TBC1D1: variants seen among roughly 807,000 people sequenced by gnomAD.
The protein encoded by TBC1D1 is TBC1 (tre-2/USP6, BUB2, cdc16) domain family, member 1.
A neutral mutation model predicts 125.6 loss-of-function variants in TBC1D1; 89 were observed. The observed-to-expected ratio is 0.71, with a 90% CI of 0.60 to 0.85. TBC1D1 has a LOEUF of 0.85. TBC1D1 is among the 40% of genes least tolerant of loss of function. The probability of loss-of-function intolerance (pLI) is 0.00; values close to 1 mark genes in which losing one functional copy is unlikely to be tolerated. For synonymous variants in TBC1D1, 565 were observed against 564.1 expected (o/e 1.00, Z -0.02); for missense variants, 1,377 against 1,469.2 (o/e 0.94, Z 1.03).
chr4:38,089,569 A>T (rs761407207), intron 12 of TBC1D1, among the ~76,000 whole-genome samples: 5 of 152,222 alleles, frequency 3.3e-5, no homozygotes, highest in Admixed American at 6.5e-5. Flanking sequence ...AAATTATTGT[A>T]TATAAAGCTC....
chr4:38,101,256 A>T (rs1212337750), intron 14 of TBC1D1, among the ~76,000 whole-genome samples: 3 of 152,202 alleles, frequency 2.0e-5, no homozygotes, highest in African/African-American at 7.2e-5. Flanking sequence ...CAGGGTACAA[A>T]GCGGCCACTT....
At chr4:37,899,301 C>A (rs927157779) in intron 1 of TBC1D1, among the ~76,000 whole-genome samples, 1 of 151,970 alleles carries the variant, frequency 6.6e-6, no homozygotes, top group Admixed American at 6.6e-5. Context: ...GGAGATGAGA[C>A]CGAGTTAGCT....
At chr4:37,938,885 A>G (rs1271011146) in intron 2 of TBC1D1, among the ~76,000 whole-genome samples, 2 of 152,226 alleles carry the variant, frequency 1.3e-5, no homozygotes, top group African/African-American at 2.4e-5. Flanking sequence ...ATAGTATTCC[A>G]TGGTGTATAT....
intron 15 of TBC1D1, among the ~76,000 whole-genome samples, chr4:38,115,343 C>T (rs545908573): frequency 6.6e-5 from 10 of 152,196 alleles, no homozygotes; most frequent in African/African-American, 2.4e-4. Context: ...CTCAGGCGAT[C>T]CTTCCACCTA....
At chr4:38,114,296 A>G (rs1762615264) in intron 15 of TBC1D1, among the ~76,000 whole-genome samples, 1 of 152,212 alleles carries the variant, frequency 6.6e-6, no homozygotes, top group African/African-American at 2.4e-5. Context: ...CTGGGGGAAG[A>G]GATAGAGGAG....
intron 2 of TBC1D1, among the ~76,000 whole-genome samples, chr4:38,011,571 A>G (rs1741512473): frequency 6.6e-6 from 1 of 152,100 alleles, no homozygotes; most frequent in African/African-American, 2.4e-5. Flanking sequence ...TTTGCCTTCA[A>G]ATGTTCTGAA....
At chr4:37,920,226 G>C (rs956785091) in intron 2 of TBC1D1, among the ~76,000 whole-genome samples, 1 of 152,176 alleles carries the variant, frequency 6.6e-6, no homozygotes, top group Non-Finnish European at 1.5e-5. Flanking sequence ...CTTAGAGTCC[G>C]GTGGGCCCTG....
chr4:38,078,093 T>A (rs16994191), intron 12 of TBC1D1, among the ~76,000 whole-genome samples: 14,986 of 152,164 alleles, frequency 0.098, 819 homozygotes, highest in African/African-American at 0.12. Context: ...GTGGCCACGT[T>A]AATGACATAG....
intron 2 of TBC1D1, among the ~76,000 whole-genome samples, chr4:37,997,941 C>T (rs185773634): frequency 6.6e-6 from 1 of 152,232 alleles, no homozygotes; most frequent in East Asian, 1.9e-4. Context: ...AGAGAAAACC[C>T]ATGTGAGTAA....
chr4:37,976,418 G>T (rs1378641189), intron 2 of TBC1D1, among the ~76,000 whole-genome samples: 1 of 152,156 alleles, frequency 6.6e-6, no homozygotes, highest in Admixed American at 6.5e-5. Context: ...CTCAGTTTTG[G>T]GGTAACTTTT....
chr4:38,110,244 C>T (rs1294447446), intron 15 of TBC1D1: 5 of 985,256 alleles, frequency 5.1e-6, no homozygotes, highest in Non-Finnish European at 6.0e-6. Context: ...CTCACAGCAC[C>T]GTACAGGGAC....
chr4:38,033,709 C>T (rs971976509), intron 7 of TBC1D1, among the ~76,000 whole-genome samples: 1 of 152,126 alleles, frequency 6.6e-6, no homozygotes, highest in Non-Finnish European at 1.5e-5. Context: ...TCTGCCTGTT[C>T]TCCCACCTCC....
intron 2 of TBC1D1, among the ~76,000 whole-genome samples, chr4:37,958,329 C>A (rs1321577232): frequency 6.6e-6 from 1 of 152,202 alleles, no homozygotes; most frequent in Non-Finnish European, 1.5e-5. Flanking sequence ...CAATCAAGAA[C>A]CTTGACCATA....
intron 2 of TBC1D1, among the ~76,000 whole-genome samples, chr4:37,968,902 G>T (rs1731542193): frequency 6.6e-6 from 1 of 152,216 alleles, no homozygotes; most frequent in Non-Finnish European, 1.5e-5. Context: ...GGCAAGTGAT[G>T]CTTGTGTGTA....
At chr4:38,085,466 C>T (rs1331446620) in intron 12 of TBC1D1, among the ~76,000 whole-genome samples, 1 of 152,200 alleles carries the variant, frequency 6.6e-6, no homozygotes, top group Non-Finnish European at 1.5e-5. Context: ...GTGGTCTCTA[C>T]AGTTGGGCAG....
At chr4:38,119,948 C>G (rs965009380) in intron 17 of TBC1D1, 2 of 985,186 alleles carry the variant, frequency 2.0e-6, no homozygotes, top group Non-Finnish European at 2.4e-6. Flanking sequence ...TTCTGGGGCT[C>G]TGGAAGAGAA....
At chr4:38,077,975 G>A (rs1755888841) in intron 12 of TBC1D1, among the ~76,000 whole-genome samples, 1 of 152,144 alleles carries the variant, frequency 6.6e-6, no homozygotes, top group African/African-American at 2.4e-5. Context: ...GAGGAAGCGG[G>A]ATGAAAGCAG....
intron 3 of TBC1D1, among the ~76,000 whole-genome samples, chr4:38,015,657 G>A (rs1222176879): frequency 6.6e-6 from 1 of 152,110 alleles, no homozygotes; most frequent in Non-Finnish European, 1.5e-5. Context: ...GCAGCGAGCC[G>A]GTCTCTGACA....
intron 2 of TBC1D1, among the ~76,000 whole-genome samples, chr4:37,976,585 T>G (rs1037439300): frequency 6.6e-6 from 1 of 152,006 alleles, no homozygotes; most frequent in Non-Finnish European, 1.5e-5. Context: ...CCATTTGGCC[T>G]GAGGAACTCA....
Sources: allele counts gnomAD v4.1 joint callset (sites outside exome capture counted in the v4.1 genomes callset), GRCh38; gene constraint gnomAD v4.1.1; transcripts MANE v1.5; gene names NCBI Gene and HGNC (gene_info 2026-07-23, HGNC 2026-07-21).